SLIT3: variants seen among roughly 807,000 people sequenced by gnomAD.
SLIT3 encodes the protein slit guidance ligand 3, also known as slit homolog 3 protein.
A neutral mutation model predicts 184.0 loss-of-function variants in SLIT3; 68 were observed. The ratio of observed to expected loss-of-function variants is 0.37; its 90% CI spans 0.30 to 0.45. SLIT3 has a LOEUF of 0.45. Among genes scored for constraint, SLIT3 ranks in the 20% least tolerant of loss-of-function variants. SLIT3 has a pLI of 1.00. For synonymous variants in SLIT3, 831 were observed against 828.6 expected, an observed-to-expected ratio of 1.00 and a Z score of -0.05; for missense variants, 1,707 against 2,026.0, an observed-to-expected ratio of 0.84 and a Z score of 3.02.
intron 8 of SLIT3, among the ~76,000 whole-genome samples, chr5:168,814,260 G>C (rs898130261): frequency 1.3e-5 from 2 of 152,130 alleles, no homozygotes; most frequent in Non-Finnish European, 2.9e-5. Context: ...AGCTAGGCAG[G>C]GTGGTAGGTG....
chr5:168,797,329 C>T (rs1227161229), intron 9 of SLIT3, among the ~76,000 whole-genome samples: 1 of 152,212 alleles, frequency 6.6e-6, no homozygotes, highest in African/African-American at 2.4e-5. Flanking sequence ...GGTGCGTGCT[C>T]TCCAGGAATC....
chr5:169,046,066 A>G lies in SLIT3; in HGVS notation c.413+147413T>C, dbSNP rs551529260. On this transcript the variant is annotated intron_variant, in intron 4 of 35. Coordinates refer to ENST00000519560, the MANE Select transcript of SLIT3 (RefSeq NM_003062.4). ...ACAGACTGAACAGGGAAGCCAGAGT[A>G]TGAGAAGGATTTGATGATGGACAAA... Among the ~76,000 whole-genome samples the G allele has an allele frequency of 2.6e-5, 4 of 152,312 alleles. No individual in the cohort carries two copies. The East Asian group carries it at 7.7e-4, about 29-fold the overall frequency.
chr5:169,192,145 C>A (rs186447430), intron 4 of SLIT3, among the ~76,000 whole-genome samples: 80 of 152,284 alleles, frequency 5.3e-4, no homozygotes, highest in Non-Finnish European at 1.0e-3. Flanking sequence ...TCTGGACCCC[C>A]GGGCTGCTGA....
chr5:169,238,391 T>C (rs1765270925), intron 3 of SLIT3, among the ~76,000 whole-genome samples: 1 of 152,074 alleles, frequency 6.6e-6, no homozygotes, highest in African/African-American at 2.4e-5. Context: ...TATCTCCTTT[T>C]ATATGTTTTC....
intron 4 of SLIT3, among the ~76,000 whole-genome samples, chr5:169,092,274 AC>A (rs1759618833): frequency 6.6e-6 from 1 of 152,104 alleles, no homozygotes; most frequent in African/African-American, 2.4e-5. Flanking sequence ...ATTCATATTG[AC>A]CCACAGAGTG....
intron 12 of SLIT3, among the ~76,000 whole-genome samples, chr5:168,784,561 G>A (rs538720760): frequency 1.3e-4 from 20 of 152,334 alleles, no homozygotes; most frequent in South Asian, 6.2e-4. Context: ...ACATTAGTGC[G>A]TGTTCTGGGA....
At chr5:168,696,626 C>G (rs1163222046) in intron 27 of SLIT3, among the ~76,000 whole-genome samples, 195 bp from the exon 28 acceptor site, 1 of 152,156 alleles carries the variant, frequency 6.6e-6, no homozygotes, top group Non-Finnish European at 1.5e-5. Context: ...AAGGTCATTT[C>G]ATCCAACCCC....
chr5:168,753,886 C>T lies in SLIT3; in HGVS notation c.1807G>A (p.Gly603Ser), dbSNP rs1000206826. ...LETVHGRVFR[G>S]LSGLKTLMLR... ...CACAAGGTTTTGAGGCCACTGAGGC[C>T]ACGGAACACGCGCCCGTGCACGGTC... The change falls in exon 17 of 36, where the codon GGC (glycine) becomes AGC (serine). Residue 603 changes from glycine to serine, a missense_variant. By Grantham distance (56) the Gly-to-Ser change is moderately conservative. Coordinates refer to ENST00000519560, the MANE Select transcript of SLIT3 (RefSeq NM_003062.4). The T allele has an allele frequency of 6.2e-7, 1 of 1,611,508 alleles. No homozygotes were observed. The highest frequency in any genetic ancestry group is 8.5e-7 in the Non-Finnish European group (1 of 1,179,968).
At chr5:169,193,226 G>A (rs1228209486) in intron 4 of SLIT3, among the ~76,000 whole-genome samples, 2 of 152,188 alleles carry the variant, frequency 1.3e-5, no homozygotes, top group African/African-American at 2.4e-5. Flanking sequence ...CTCCTTGCAA[G>A]GCAACGATGG....
intron 4 of SLIT3, among the ~76,000 whole-genome samples, 199 bp from the exon 5 acceptor site, chr5:168,883,535 C>T (rs1238937876): frequency 6.6e-6 from 1 of 152,248 alleles, no homozygotes; most frequent in East Asian, 1.9e-4. Flanking sequence ...GAAATGGTTA[C>T]CAGGCGGAGC....
At chr5:168,738,494 T>G (rs80229505) in intron 20 of SLIT3, among the ~76,000 whole-genome samples, 1 of 152,234 alleles carries the variant, frequency 6.6e-6, no homozygotes, top group Admixed American at 6.5e-5. Context: ...ACCTGTGTAA[T>G]TGAGTTGCAA....
chr5:169,178,471 A>C (rs1447950574), intron 4 of SLIT3, among the ~76,000 whole-genome samples: 1 of 152,242 alleles, frequency 6.6e-6, no homozygotes, highest in Non-Finnish European at 1.5e-5. Flanking sequence ...ACAAGAGCTT[A>C]CACAGAGCTT....
intron 4 of SLIT3, among the ~76,000 whole-genome samples, chr5:168,945,394 T>G (rs890646324): frequency 2.6e-5 from 4 of 152,098 alleles, no homozygotes; most frequent in Admixed American, 2.6e-4. Context: ...TGTGCCACCA[T>G]GCCTGGCTAA....
intron 3 of SLIT3, 145 bp from the exon 4 acceptor site, chr5:169,193,695 G>A (rs1763639094): frequency 1.4e-6 from 1 of 720,298 alleles, no homozygotes; most frequent in East Asian, 2.6e-5. Flanking sequence ...CTCAACACAT[G>A]TAAGGTATAT....
At chr5:168,926,604 G>A (rs967163902) in intron 4 of SLIT3, among the ~76,000 whole-genome samples, 3 of 152,012 alleles carry the variant, frequency 2.0e-5, no homozygotes, top group South Asian at 4.2e-4. Context: ...TTAAAGCCCC[G>A]CTTAAAAACC....
intron 4 of SLIT3, among the ~76,000 whole-genome samples, chr5:169,072,946 C>A (rs1581376581): frequency 6.6e-6 from 1 of 152,236 alleles, no homozygotes; most frequent in Non-Finnish European, 1.5e-5. Flanking sequence ...GCCTCCACAG[C>A]AGATCCCAGC....
At chr5:168,895,617 G>A (rs1031760973) in intron 4 of SLIT3, among the ~76,000 whole-genome samples, 41 of 152,158 alleles carry the variant, frequency 2.7e-4, no homozygotes, top group African/African-American at 9.7e-4. Context: ...AAATATATAG[G>A]AGCTTAAGCC....
At chr5:168,772,547 G>A (rs967463018) in intron 14 of SLIT3, 48 of 530,268 alleles carry the variant, frequency 9.1e-5, no homozygotes, top group Non-Finnish European at 1.4e-4. Flanking sequence ...CCCTGCAACC[G>A]TCTCCTCCTC....
intron 4 of SLIT3, among the ~76,000 whole-genome samples, chr5:168,958,201 A>C (rs1345240057): frequency 6.6e-6 from 1 of 152,194 alleles, no homozygotes. Flanking sequence ...TCCACTTAGC[A>C]CTGAAAGTTT....
Sources: allele counts gnomAD v4.1 joint callset (sites outside exome capture counted in the v4.1 genomes callset), GRCh38; gene constraint gnomAD v4.1.1; transcripts MANE v1.5; gene names NCBI Gene and HGNC (gene_info 2026-07-23, HGNC 2026-07-21).